Variants in BACE2 observed in about 807,000 individuals in gnomAD.
BACE2 encodes beta-secretase 2.
BACE2 carries 17 observed loss-of-function variants against 46.2 expected under a neutral mutation model. The ratio of observed to expected loss-of-function variants is 0.37; its 90% CI spans 0.25 to 0.55. The LOEUF (loss-of-function observed/expected upper bound fraction) is 0.55. BACE2 is among the 20% of genes least tolerant of loss of function. The pLI is 0.82. For missense variants in BACE2, 595 were observed against 698.1 expected, an observed-to-expected ratio of 0.85 and a Z score of 1.66; for synonymous variants, 277 against 295.9, an observed-to-expected ratio of 0.94 and a Z score of 0.66.
At chr21:41,226,180 T>TAA in intron 1 of BACE2, 86 bp from the exon 2 acceptor site, 1 of 997,628 alleles carries the variant, frequency 1.0e-6, no homozygotes, top group Non-Finnish European at 1.5e-6. Context: ...TCTTGCTACT[T>TAA]AGTTTTAAAA....
chr21:41,264,862 T>C (rs1421942857), intron 8 of BACE2, among the ~76,000 whole-genome samples: 2 of 152,128 alleles, frequency 1.3e-5, no homozygotes, highest in Non-Finnish European at 2.9e-5. Context: ...AGCATACCTA[T>C]GGTTCCAGCT....
chr21:41,223,220 G>A (rs372563458), intron 1 of BACE2, among the ~76,000 whole-genome samples: 7 of 152,060 alleles, frequency 4.6e-5, no homozygotes, highest in African/African-American at 7.2e-5. Context: ...GCCAGGCATG[G>A]TGGTGCACGC....
At chr21:41,249,159 CACAT>C in intron 6 of BACE2, among the ~76,000 whole-genome samples, 1 of 145,140 alleles carries the variant, frequency 6.9e-6, no homozygotes, top group African/African-American at 2.6e-5. Context: ...TAGTGAGCCC[CACAT>C]GTACACTTGG....
Position 41,264,656 on chromosome 21 carries a change from T to A in BACE2, c.1303+7330T>A, listed in dbSNP as rs375827701. Among the ~76,000 whole-genome samples, 50 of 152,128 alleles carry A rather than the reference T, an allele frequency of 3.3e-4. 1 individual carries two copies. In the South Asian group the frequency reaches 9.1e-3, roughly 28 times the overall value. On this transcript the variant is annotated intron_variant, in intron 8 of 8. Transcript: ENST00000330333. ...ACCATATCTTGTGAGAACTCTATCATGAGACAATACTGGGGGGTGGTAGTA... is the reference window on the plus strand; with the variant it reads ...ACCATATCTTGTGAGAACTCTATCAAGAGACAATACTGGGGGGTGGTAGTA...
At chr21:41,237,464 A>G (rs1411126320) in intron 2 of BACE2, 49 bp from the exon 3 acceptor site, 1 of 1,294,432 alleles carries the variant, frequency 7.7e-7, no homozygotes, top group Non-Finnish European at 1.0e-6. Context: ...ATAAATAAAA[A>G]TAAAATAAAA....
intron 2 of BACE2, among the ~76,000 whole-genome samples, chr21:41,229,612 A>G (rs933230130): frequency 1.3e-5 from 2 of 151,878 alleles, no homozygotes; most frequent in Non-Finnish European, 2.9e-5. Context: ...TATCAAGACT[A>G]TGTGCAATAT....
At chr21:41,261,043 A>G (rs1987923694) in intron 8 of BACE2, among the ~76,000 whole-genome samples, 2 of 152,224 alleles carry the variant, frequency 1.3e-5, no homozygotes, top group Non-Finnish European at 2.9e-5. Context: ...CACTTTATGA[A>G]TGTACCCAGA....
chr21:41,236,966 A>T (rs1403673835), intron 2 of BACE2, among the ~76,000 whole-genome samples: 1 of 152,250 alleles, frequency 6.6e-6, no homozygotes, highest in Non-Finnish European at 1.5e-5. Context: ...TCCACATGAC[A>T]TGGAAAACAC....
Position 41,205,467 on chromosome 21 carries a change from C to G in BACE2, c.313-20799C>G, listed in dbSNP as rs547921385. On this transcript the variant is annotated intron_variant, in intron 1 of 8. Transcript: ENST00000330333. ...AATGTGGTAAAATTGCAAGGCCATT[C>G]AGCAGGTCAGTTTTAAATACAATAT... 5.9e-5 allele frequency among the ~76,000 whole-genome samples: 9 copies of G among 152,320 alleles called. No homozygotes were observed. In the South Asian group the frequency reaches 1.4e-3, roughly 25 times the overall value.
chr21:41,212,506 G>A (rs1032545441), intron 1 of BACE2, among the ~76,000 whole-genome samples: 9 of 152,206 alleles, frequency 5.9e-5, no homozygotes, highest in African/African-American at 1.9e-4. Context: ...CTGGTAGGGG[G>A]CAGGAAAGTG....
At chr21:41,191,703 C>A (rs1235290732) in intron 1 of BACE2, among the ~76,000 whole-genome samples, 1 of 152,186 alleles carries the variant, frequency 6.6e-6, no homozygotes, top group Non-Finnish European at 1.5e-5. Flanking sequence ...CCATGTGTAA[C>A]CTCCATCCCT....
At chr21:41,236,510 G>A (rs543929110) in intron 2 of BACE2, 5 of 152,392 alleles carry the variant, frequency 3.3e-5, no homozygotes, top group African/African-American at 7.2e-5. Flanking sequence ...CCAGGGCCAC[G>A]TGAGTGTCAG....
intron 1 of BACE2, among the ~76,000 whole-genome samples, chr21:41,192,374 T>A (rs1156950237): frequency 6.6e-6 from 1 of 152,152 alleles, no homozygotes; most frequent in African/African-American, 2.4e-5. Flanking sequence ...TCGAGCCCAA[T>A]CACGTATATA....
intron 8 of BACE2, among the ~76,000 whole-genome samples, chr21:41,261,371 T>A (rs1176832157): frequency 6.6e-6 from 1 of 152,196 alleles, no homozygotes; most frequent in African/African-American, 2.4e-5. Context: ...CAACTTTGGA[T>A]ATGTTTTTGG....
intron 2 of BACE2, 78 bp from the exon 3 acceptor site, chr21:41,237,435 G>A (rs1266923497): frequency 7.2e-6 from 8 of 1,107,484 alleles, no homozygotes; most frequent in South Asian, 2.1e-5. Context: ...GACAGAGCAA[G>A]ACTCCGTCTC....
At chr21:41,171,595 A>G (rs1568852925) in intron 1 of BACE2, among the ~76,000 whole-genome samples, 1 of 152,248 alleles carries the variant, frequency 6.6e-6, no homozygotes, top group African/African-American at 2.4e-5. Context: ...TCTTTCAACC[A>G]GCACCTGCTT....
intron 8 of BACE2, among the ~76,000 whole-genome samples, chr21:41,269,882 T>C (rs556011204): frequency 2.9e-4 from 44 of 152,240 alleles, no homozygotes; most frequent in Non-Finnish European, 5.4e-4. Context: ...TTGAGTTACA[T>C]AACATGTATG....
intron 6 of BACE2, among the ~76,000 whole-genome samples, chr21:41,246,954 C>G (rs964208553): frequency 6.6e-6 from 1 of 152,164 alleles, no homozygotes; most frequent in Non-Finnish European, 1.5e-5. Flanking sequence ...CACGGCGTTG[C>G]TGCTATTTGT....
intron 1 of BACE2, among the ~76,000 whole-genome samples, chr21:41,213,249 C>T (rs1433594400): frequency 6.6e-6 from 1 of 152,170 alleles, no homozygotes; most frequent in East Asian, 1.9e-4. Context: ...AGACACGAGA[C>T]AACCCTAGAC....
Sources: gnomAD v4.1 joint callset for allele counts (sites outside exome capture counted in the v4.1 genomes callset) on GRCh38, gnomAD v4.1.1 for gene constraint, MANE v1.5 for transcripts, NCBI Gene and HGNC (gene_info 2026-07-23, HGNC 2026-07-21) for gene names.